The following SAXO5 variants were observed in gnomAD, a reference collection of about 807,000 sequenced individuals.
SAXO5 encodes the protein testis expressed 45.
the SAXO5 span, among the ~76,000 whole-genome samples, chr19:7,502,964 G>A: frequency 6.6e-6 from 1 of 152,158 alleles, no homozygotes; most frequent in South Asian, 2.1e-4. Context: ...GTCAAACCCT[G>A]ATTTGACATT....
chr19:7,506,811 T>A, the SAXO5 span: 87 of 298,174 alleles, frequency 2.9e-4, no homozygotes, highest in Middle Eastern at 1.2e-3. Flanking sequence ...CCCCACCTCC[T>A]CCCTCTTCCC....
the SAXO5 span, chr19:7,506,309 G>A: frequency 4.1e-6 from 3 of 726,634 alleles, no homozygotes; most frequent in Non-Finnish European, 7.0e-6. Flanking sequence ...TGGAAGCCTC[G>A]CCCTTGCCAC....
At chr19:7,505,349 C>A in the SAXO5 span, 1 of 1,614,224 alleles carries the variant, frequency 6.2e-7, no homozygotes, top group Non-Finnish European at 8.5e-7. Context: ...GGCCACAGCC[C>A]ACATCCACTG....
At chr19:7,504,963 GCTT>G in the SAXO5 span, among the ~76,000 whole-genome samples, 5,083 of 150,084 alleles carry the variant, frequency 0.034, 104 homozygotes, top group African/African-American at 0.052. Flanking sequence ...ATCCACTTTA[GCTT>G]CTTCTTCTTC....
the SAXO5 span, among the ~76,000 whole-genome samples, chr19:7,504,633 G>A: frequency 2.9e-4 from 44 of 151,920 alleles, no homozygotes; most frequent in Non-Finnish European, 5.6e-4. Context: ...CTGAACCCGG[G>A]AGGCGGAGGC....
At chr19:7,503,618 G>A in the SAXO5 span, among the ~76,000 whole-genome samples, 1 of 152,078 alleles carries the variant, frequency 6.6e-6, no homozygotes, top group East Asian at 2.0e-4. Context: ...CTGAGTAGCT[G>A]GGACTACAGG....
At chr19:7,501,928 A>T in the SAXO5 span, among the ~76,000 whole-genome samples, 1 of 123,274 alleles carries the variant, frequency 8.1e-6, no homozygotes, top group Non-Finnish European at 1.7e-5. Context: ...GAAGGGAGGG[A>T]GGGAGGGAGG....
the SAXO5 span, chr19:7,504,436 G>A: frequency 4.2e-5 from 67 of 1,578,662 alleles, no homozygotes; most frequent in Non-Finnish European, 5.5e-5. Context: ...CTGCGGGCAC[G>A]GTGGCTCATG....
the SAXO5 span, among the ~76,000 whole-genome samples, chr19:7,503,466 T>C: frequency 1.3e-5 from 2 of 151,892 alleles, no homozygotes; most frequent in African/African-American, 2.4e-5. Flanking sequence ...GTAGATATTA[T>C]TGGGGTTTTT....
the SAXO5 span, chr19:7,501,179 G>A: frequency 6.6e-7 from 1 of 1,519,514 alleles, no homozygotes; most frequent in Non-Finnish European, 8.7e-7. Context: ...ACGAGGACGC[G>A]CACGCCGGGA....
At chr19:7,505,422 ATGCCAGGG>A in the SAXO5 span, 1 of 1,614,116 alleles carries the variant, frequency 6.2e-7, no homozygotes, top group South Asian at 1.1e-5. Context: ...GAGCACTTCT[ATGCCAGGG>A]AGCCAGGTGA....
chr19:7,499,317 G>T, the SAXO5 span, among the ~76,000 whole-genome samples: 8 of 137,432 alleles, frequency 5.8e-5, no homozygotes, highest in South Asian at 1.9e-3. Context: ...GTCACAAAAA[G>T]AAAAGGAAAG....
At chr19:7,500,839 T>C in the SAXO5 span, 1 of 1,517,624 alleles carries the variant, frequency 6.6e-7, no homozygotes. Flanking sequence ...ACAGGCGCCC[T>C]CCTGCCGTGC....
At chr19:7,504,194 G>T in the SAXO5 span, 1 of 1,613,992 alleles carries the variant, frequency 6.2e-7, no homozygotes, top group African/African-American at 1.3e-5. Flanking sequence ...TCCAGGCCCT[G>T]CCAGGCCCAC....
At chr19:7,505,631 G>C in the SAXO5 span, 1 of 1,613,602 alleles carries the variant, frequency 6.2e-7, no homozygotes. Flanking sequence ...GGCCAGGTGA[G>C]CAGGAAGAGC....
At chr19:7,507,222 C>A in the SAXO5 span, 1 of 1,226,370 alleles carries the variant, frequency 8.2e-7, no homozygotes, top group Non-Finnish European at 1.2e-6. Flanking sequence ...ACTATGCTGT[C>A]ACCCTGTCTC....
the SAXO5 span, among the ~76,000 whole-genome samples, chr19:7,502,357 G>T: frequency 6.6e-6 from 1 of 152,110 alleles, no homozygotes; most frequent in Non-Finnish European, 1.5e-5. Context: ...CAATCCATCT[G>T]CCTCGACCTC....
At chr19:7,504,422 G>T in the SAXO5 span, 7 of 1,606,206 alleles carry the variant, frequency 4.4e-6, no homozygotes, top group Non-Finnish European at 6.0e-6. Flanking sequence ...GTATAAAGGG[G>T]CCACTGCGGG....
At chr19:7,508,130 G>A in the SAXO5 span, 5 of 1,281,418 alleles carry the variant, frequency 3.9e-6, no homozygotes, top group Non-Finnish European at 5.5e-6. Context: ...CATCAGGCCT[G>A]GAGATCCTGG....
Sources: gnomAD v4.1 joint callset for allele counts (sites outside exome capture counted in the v4.1 genomes callset) on GRCh38, gnomAD v4.1.1 for gene constraint, MANE v1.5 for transcripts, NCBI Gene and HGNC (gene_info 2026-07-23, HGNC 2026-07-21) for gene names.